ABCA1: variants seen among roughly 807,000 people sequenced by gnomAD.
The protein encoded by ABCA1 is ATP binding cassette subfamily A member 1, also known as phospholipid-transporting ATPase ABCA1.
ABCA1 carries 133 observed loss-of-function variants against 262.5 expected under a neutral mutation model. The observed-to-expected ratio is 0.51, with a 90% CI of 0.44 to 0.59. The LOEUF (loss-of-function observed/expected upper bound fraction) is 0.59. ABCA1 is among the 20% of genes least tolerant of loss of function. ABCA1 has a pLI of 0.00. For missense variants in ABCA1, 2,452 were observed against 2,777.5 expected (o/e 0.88, Z 2.63); for synonymous variants, 1,022 against 1,043.5 (o/e 0.98, Z 0.40).
At chr9:104,852,501 G>A (rs780375211) in intron 7 of ABCA1, among the ~76,000 whole-genome samples, 1 of 152,142 alleles carries the variant, frequency 6.6e-6, no homozygotes, top group Non-Finnish European at 1.5e-5. Flanking sequence ...ACATAATTCA[G>A]AGGAAAAAAT....
chr9:104,854,561 CT>C (rs1322482377), intron 7 of ABCA1, among the ~76,000 whole-genome samples: 27 of 152,138 alleles, frequency 1.8e-4, no homozygotes, highest in Non-Finnish European at 1.9e-4. Context: ...TTGGAGGTTT[CT>C]GTGAGACAGG....
chr9:104,875,656 A>G (rs76244174), intron 5 of ABCA1, among the ~76,000 whole-genome samples: 2 of 147,552 alleles, frequency 1.4e-5, no homozygotes, highest in African/African-American at 4.9e-5. Flanking sequence ...GAGCTCCACA[A>G]CCTTAAAAAA....
rs375095390 is a variant in ABCA1, at chr9:104,821,442, G to C, written c.2893C>G (p.Arg965Gly). 6.2e-7 allele frequency: 1 copy of C among 1,614,112 alleles called. No individual in the cohort carries two copies. Among genetic ancestry groups the C allele is most frequent in the Non-Finnish European group, 8.5e-7 (1 of 1,180,032 alleles). The part of the protein sequence containing the change: ...GTAYILGKDI[R>G]SEMSTIRQNL... ...TGCCGGATGGTGCTCATCTCAGAGC[G>C]AATGTCTTTTCCCAGGATGTAGGCG... The change falls in exon 20 of 50, where the codon CGC becomes GGC. Residue 965 changes from arginine to glycine, a missense_variant. Around this residue, in one of 4 missense-constraint regions of ABCA1, gnomAD observed 665 missense variants for 727.3 expected, o/e 0.91. Transcript: ENST00000374736.
intron 27 of ABCA1, among the ~76,000 whole-genome samples, chr9:104,813,159 T>C (rs1350420467): frequency 6.6e-6 from 1 of 152,216 alleles, no homozygotes; most frequent in African/African-American, 2.4e-5. Flanking sequence ...CGTGGACACA[T>C]TTCAAATGAT....
rs114286452 is a variant in ABCA1 at position 104,812,229 on chromosome 9, C to T, written c.4050+345G>A. 9.7e-3 allele frequency among the ~76,000 whole-genome samples: 1,470 copies of T among 152,256 alleles called. 20 individuals are homozygous for T. Among genetic ancestry groups the T allele is most frequent in the African/African-American group, 0.034 (1,397 of 41,530 alleles). ...CCAACCAGTTTTTCTACACTTTGTC[C>T]TTTTTATGTTCTCCTCCAAAATAAA... On this transcript the variant is annotated intron_variant, in intron 28 of 49. Coordinates refer to ENST00000374736, the MANE Select transcript of ABCA1 (RefSeq NM_005502.4).
At chr9:104,917,963 T>C (rs73506142) in intron 1 of ABCA1, among the ~76,000 whole-genome samples, 2,332 of 152,322 alleles carry the variant, frequency 0.015, 58 homozygotes, top group African/African-American at 0.053. Context: ...ATAACTCATA[T>C]TGGTTTTCCA....
At position 104,782,675 on chromosome 9, in the gene ABCA1, C is replaced by T. The variant is rs1200843186; in HGVS notation, c.*1640G>A. On this transcript the variant is annotated 3_prime_UTR_variant, in exon 50 of 50. Coordinates refer to ENST00000374736, the MANE Select transcript of ABCA1 (RefSeq NM_005502.4). ...GAAGAGATGAAAAATTTGAGACTGT[C>T]AGATTTAATGGGGTATCCAATATCT... is the stretch of plus-strand genomic sequence containing the variant. The T allele has an allele frequency of 6.6e-6, 1 of 152,078 alleles. No individual in the cohort carries two copies. Among genetic ancestry groups the T allele is most frequent in the Non-Finnish European group, 1.5e-5 (1 of 68,006 alleles). The allele number at this position is 152,078 out of a possible 1,614,324, so 9.4% of individuals were successfully genotyped here. A position where few individuals can be genotyped will look rare whatever the true frequency, so the allele number is the denominator to read the frequency against.
chr9:104,793,674 C>T (rs931935011), intron 40 of ABCA1, among the ~76,000 whole-genome samples: 2 of 152,060 alleles, frequency 1.3e-5, no homozygotes, highest in Non-Finnish European at 2.9e-5. Flanking sequence ...TAATAAATAT[C>T]AGAAAGCACT....
At chr9:104,800,316 AC>A (rs1830222665) in intron 35 of ABCA1, among the ~76,000 whole-genome samples, 193 bp downstream of exon 35, 1 of 152,210 alleles carries the variant, frequency 6.6e-6, no homozygotes, top group African/African-American at 2.4e-5. Flanking sequence ...AGTCAAGGTT[AC>A]CTGGTATGTC....
chr9:104,794,771 G>C (rs1249833263), intron 39 of ABCA1, among the ~76,000 whole-genome samples: 1 of 152,122 alleles, frequency 6.6e-6, no homozygotes, highest in Non-Finnish European at 1.5e-5. Flanking sequence ...AATGAATAAA[G>C]CTTAGAAACA....
At chr9:104,811,943 T>A (rs1588270126) in intron 28 of ABCA1, among the ~76,000 whole-genome samples, 1 of 152,184 alleles carries the variant, frequency 6.6e-6, no homozygotes, top group South Asian at 2.1e-4. Flanking sequence ...AATGAAAGAC[T>A]CTCTGCAGAC....
chr9:104,840,533 T>C lies in ABCA1; in HGVS notation c.814-14A>G. 1.3e-6 allele frequency: 2 copies of C among 1,580,018 alleles called. No homozygotes were observed. Among genetic ancestry groups the C allele is most frequent in the Admixed American group, 1.7e-5 (1 of 57,524 alleles). On this transcript the variant is annotated splice_polypyrimidine_tract_variant and intron_variant, in intron 8 of 49. Transcript: ENST00000374736. ...CATGCTGAACAGCTGGCGTCAGGGATGGGGACAGAAAGGAGGGTAGGGGAA... is the reference window on the plus strand; with the variant it reads ...CATGCTGAACAGCTGGCGTCAGGGACGGGGACAGAAAGGAGGGTAGGGGAA...
chr9:104,921,286 A>G (rs1040812399), intron 1 of ABCA1, among the ~76,000 whole-genome samples: 3 of 152,236 alleles, frequency 2.0e-5, no homozygotes, highest in Admixed American at 6.5e-5. Flanking sequence ...TTGGCAGAGA[A>G]AACACCGGGG....
chr9:104,841,958 G>A (rs147749615), intron 8 of ABCA1, among the ~76,000 whole-genome samples: 398 of 152,314 alleles, frequency 2.6e-3, no homozygotes, highest in African/African-American at 7.1e-3. Context: ...ATGTCACTGC[G>A]TGTTCACACC....
At chr9:104,878,140 T>G (rs1838313183) in intron 5 of ABCA1, among the ~76,000 whole-genome samples, 1 of 152,202 alleles carries the variant, frequency 6.6e-6, no homozygotes, top group African/African-American at 2.4e-5. Flanking sequence ...CCCTAGGGTT[T>G]CTGAGGATTT....
chr9:104,787,053 G>T, intron 46 of ABCA1, 77 bp from the exon 47 acceptor site: 1 of 1,310,714 alleles, frequency 7.6e-7, no homozygotes, highest in Non-Finnish European at 1.1e-6. Context: ...AAATGCAGAA[G>T]CATCTTTGAA....
At chr9:104,924,930 G>A (rs1476116635) in intron 1 of ABCA1, among the ~76,000 whole-genome samples, 1 of 152,176 alleles carries the variant, frequency 6.6e-6, no homozygotes, top group Non-Finnish European at 1.5e-5. Flanking sequence ...CTAAGTCACT[G>A]AACTTCTTCA....
chr9:104,922,721 T>C (rs1202007686), intron 1 of ABCA1, among the ~76,000 whole-genome samples: 2 of 152,008 alleles, frequency 1.3e-5, no homozygotes, highest in African/African-American at 2.4e-5. Flanking sequence ...AAGGCAGACA[T>C]TTTTTTTCAA....
chr9:104,801,406 G>A (rs2740478), intron 34 of ABCA1, among the ~76,000 whole-genome samples: 39,307 of 151,936 alleles, frequency 0.26, 6,525 homozygotes, highest in Non-Finnish European at 0.36. Context: ...GTTTTTAGCA[G>A]AGACAGGGTT....
Sources: allele counts gnomAD v4.1 joint callset (sites outside exome capture counted in the v4.1 genomes callset), GRCh38; gene constraint gnomAD v4.1.1; regional missense constraint gnomAD v4.1.1; transcripts MANE v1.5; gene names NCBI Gene and HGNC (gene_info 2026-07-23, HGNC 2026-07-21).